EHBP1: variants seen among roughly 807,000 people sequenced by gnomAD.
The protein encoded by EHBP1 is EH domain-binding protein 1.
A neutral mutation model predicts 144.0 loss-of-function variants in EHBP1; 55 were observed. The ratio of observed to expected loss-of-function variants is 0.38; its 90% CI spans 0.31 to 0.48. EHBP1 has a LOEUF of 0.48. Ranked by LOEUF, EHBP1 falls within the 20% of genes least tolerant of loss-of-function variation. EHBP1 has a pLI of 0.98. For missense variants in EHBP1, 1,200 were observed against 1,364.2 expected (o/e 0.88, Z 1.90); for synonymous variants, 469 against 472.7 (o/e 0.99, Z 0.10).
chr2:62,761,463 C>G (rs973395045), intron 3 of EHBP1, among the ~76,000 whole-genome samples: 5 of 152,206 alleles, frequency 3.3e-5, no homozygotes, highest in Non-Finnish European at 7.4e-5. Flanking sequence ...GGCATTTTAA[C>G]TAGTAAGATG....
In EHBP1 at chr2:62,746,653, C is replaced by G. The variant is rs200436213; in HGVS notation, c.105-742C>G. Reference sequence around the variant, plus strand: ...TATTAGGTTGATGCAGAAGTAATTGCGGTTTTAGTCGTTAAAAGGAATGGG... The same window carrying G: ...TATTAGGTTGATGCAGAAGTAATTGGGGTTTTAGTCGTTAAAAGGAATGGG... On this transcript the variant is annotated intron_variant, in intron 2 of 22. Transcript: ENST00000431489. Among the ~76,000 whole-genome samples, 28 of 152,014 alleles carry G rather than the reference C, an allele frequency of 1.8e-4. No individual in the cohort carries two copies. The East Asian group carries it at 3.5e-3, about 19-fold the overall frequency.
intron 1 of EHBP1, among the ~76,000 whole-genome samples, chr2:62,696,508 C>CTT (rs869081763): frequency 6.8e-3 from 523 of 76,670 alleles, no homozygotes; most frequent in Middle Eastern, 0.017. Context: ...TTTTTTTCTT[C>CTT]TTTTTTTTTT....
chr2:63,035,317 C>A (rs1464203368), intron 19 of EHBP1, among the ~76,000 whole-genome samples: 3 of 152,034 alleles, frequency 2.0e-5, no homozygotes, highest in South Asian at 4.1e-4. Context: ...CTCTGTGAAG[C>A]AATGAGTAAT....
chr2:62,825,236 C>T (rs996717538), intron 5 of EHBP1, among the ~76,000 whole-genome samples: 5 of 152,028 alleles, frequency 3.3e-5, no homozygotes, highest in African/African-American at 7.2e-5. Flanking sequence ...AGAATTTACA[C>T]GATGTCTTGT....
intron 19 of EHBP1, among the ~76,000 whole-genome samples, chr2:63,001,389 A>G (rs2059841031): frequency 6.6e-6 from 1 of 152,172 alleles, no homozygotes; most frequent in South Asian, 2.1e-4. Context: ...AAAATATGAA[A>G]TATACTTAGA....
intron 14 of EHBP1, among the ~76,000 whole-genome samples, chr2:62,975,056 G>A (rs1012200992): frequency 5.9e-5 from 9 of 152,282 alleles, no homozygotes; most frequent in Non-Finnish European, 1.2e-4. Context: ...ACAGTTGGGG[G>A]TGGCTCAAAA....
intron 2 of EHBP1, among the ~76,000 whole-genome samples, chr2:62,720,168 A>G (rs1325947889): frequency 6.6e-6 from 1 of 152,182 alleles, no homozygotes; most frequent in Non-Finnish European, 1.5e-5. Flanking sequence ...CTTAATAAAC[A>G]AAATGGTTAG....
intron 5 of EHBP1, among the ~76,000 whole-genome samples, chr2:62,777,661 A>G (rs2042140329): frequency 6.6e-6 from 1 of 152,158 alleles, no homozygotes; most frequent in South Asian, 2.1e-4. Flanking sequence ...ACCAATGATA[A>G]CTTATATTTG....
intron 14 of EHBP1, among the ~76,000 whole-genome samples, chr2:62,972,232 A>C (rs981587535): frequency 2.0e-5 from 3 of 152,196 alleles, no homozygotes; most frequent in African/African-American, 4.8e-5. Context: ...TCTTAGGTTT[A>C]GGCAAACTCA....
chr2:62,827,956 A>G (rs919434257), intron 6 of EHBP1, among the ~76,000 whole-genome samples: 24 of 152,210 alleles, frequency 1.6e-4, no homozygotes, highest in African/African-American at 5.8e-4. Context: ...GGTGTGAGCC[A>G]CCGCGCCCAG....
At chr2:63,001,301 G>C (rs909588004) in intron 19 of EHBP1, among the ~76,000 whole-genome samples, 1 of 152,140 alleles carries the variant, frequency 6.6e-6, no homozygotes, top group Non-Finnish European at 1.5e-5. Flanking sequence ...TGAGTAAAAG[G>C]ATCATGAGCC....
chr2:62,803,806 T>A (rs2044230720), intron 5 of EHBP1, among the ~76,000 whole-genome samples: 2 of 152,234 alleles, frequency 1.3e-5, no homozygotes, highest in African/African-American at 4.8e-5. Flanking sequence ...TTTGTGTCTT[T>A]TATGCGGTAC....
At chr2:62,701,253 A>C (rs185894723), upstream of EHBP1, among the ~76,000 whole-genome samples, 2 of 152,350 alleles carry the variant, frequency 1.3e-5, no homozygotes, top group African/African-American at 4.8e-5. Context: ...AACAGGTAAA[A>C]TTAATTTTAC....
At chr2:62,866,065 A>G (rs1259884672) in intron 9 of EHBP1, among the ~76,000 whole-genome samples, 1 of 152,234 alleles carries the variant, frequency 6.6e-6, no homozygotes, top group Non-Finnish European at 1.5e-5. Flanking sequence ...AGTTTGCCCC[A>G]GACCAAGAAT....
chr2:62,782,536 A>T (rs2042509861), intron 5 of EHBP1, among the ~76,000 whole-genome samples: 1 of 152,208 alleles, frequency 6.6e-6, no homozygotes, highest in South Asian at 2.1e-4. Context: ...ATTGACCCAC[A>T]GTTCCGTATG....
chr2:62,909,382 C>T (rs2054030887), intron 10 of EHBP1, among the ~76,000 whole-genome samples: 1 of 152,196 alleles, frequency 6.6e-6, no homozygotes, highest in Non-Finnish European at 1.5e-5. Flanking sequence ...CAGGTTTCGC[C>T]ATATCATGCA....
In EHBP1 at chr2:62,926,983, A is replaced by G. The variant is rs571819454; in HGVS notation, c.1186-15735A>G. ...AATGGTTAAAGAAAATGTGGTGTAT[A>G]TACGTCATGGAATACTATTTAGCTA... On this transcript the variant is annotated intron_variant, in intron 10 of 22. Transcript: ENST00000431489. Among the ~76,000 whole-genome samples the G allele has an allele frequency of 5.3e-5, 8 of 152,320 alleles. No homozygotes were observed. The East Asian group carries it at 1.3e-3, about 26-fold the overall frequency.
At chr2:62,694,615 G>A (rs2034020404) in intron 1 of EHBP1, among the ~76,000 whole-genome samples, 1 of 151,996 alleles carries the variant, frequency 6.6e-6, no homozygotes. Flanking sequence ...ATTAAGGGTA[G>A]ACATTTAAAA....
rs898705694 is a variant in EHBP1, at chr2:62,738,009, C to A, written c.105-9386C>A. Among the ~76,000 whole-genome samples, 29 of 152,184 alleles carry A rather than the reference C, an allele frequency of 1.9e-4. 1 individual carries two copies. The highest frequency in any genetic ancestry group is 1.6e-3 in the Admixed American group (25 of 15,284). On this transcript the variant is annotated intron_variant, in intron 2 of 22. Coordinates refer to ENST00000431489, the MANE Select transcript of EHBP1 (RefSeq NM_001142616.3). Reference sequence around the variant, plus strand: ...TGAACTCATGGCTTCAAGTGATCTTCCTGCCTTGCCCTCTCAAGTTGTTGG... The same window carrying A: ...TGAACTCATGGCTTCAAGTGATCTTACTGCCTTGCCCTCTCAAGTTGTTGG...
Sources: allele counts gnomAD v4.1 joint callset (sites outside exome capture counted in the v4.1 genomes callset), GRCh38; gene constraint gnomAD v4.1.1; transcripts MANE v1.5; gene names NCBI Gene and HGNC (gene_info 2026-07-23, HGNC 2026-07-21).